EPDR1: variants seen among roughly 807,000 people sequenced by gnomAD.
EPDR1 encodes mammalian ependymin-related protein 1.
A neutral mutation model predicts 23.7 loss-of-function variants in EPDR1; 27 were observed. The ratio of observed to expected loss-of-function variants is 1.14; its 90% CI spans 0.84 to 1.57. The LOEUF (loss-of-function observed/expected upper bound fraction) is 1.57, where lower values mean the gene tolerates loss of function less well. Among genes scored for constraint, EPDR1 ranks in the 40% most tolerant of loss-of-function variants. The pLI, the probability that EPDR1 is intolerant of heterozygous loss-of-function variation, is 0.00. For synonymous variants in EPDR1, 137 were observed against 118.2 expected (o/e 1.16, Z -1.03); for missense variants, 349 against 290.4 (o/e 1.20, Z -1.47).
At chr7:37,944,420 T>C (rs1031696616) in intron 1 of EPDR1, among the ~76,000 whole-genome samples, 2 of 152,160 alleles carry the variant, frequency 1.3e-5, no homozygotes, top group Admixed American at 6.5e-5. Context: ...AAGGTAAATA[T>C]GAGGCTAGAA....
intron 1 of EPDR1, among the ~76,000 whole-genome samples, chr7:37,939,426 CT>C (rs1228173269): frequency 6.6e-6 from 1 of 152,174 alleles, no homozygotes; most frequent in Non-Finnish European, 1.5e-5. Context: ...GTCACATAGA[CT>C]TTTTGTAAAA....
chr7:37,940,437 G>A (rs755525176), intron 1 of EPDR1, among the ~76,000 whole-genome samples: 7 of 151,964 alleles, frequency 4.6e-5, no homozygotes, highest in South Asian at 2.1e-4. Context: ...CCTGAATTGG[G>A]AACAAACTAA....
Position 37,921,011 on chromosome 7 carries a change from C to T in EPDR1, c.72C>T (p.Ala24=), listed in dbSNP as rs566852005. 162 of 1,528,518 alleles carry T rather than the reference C, an allele frequency of 1.1e-4. 2 individuals are homozygous for T. The South Asian group carries it at 1.9e-3, about 18-fold the overall frequency. The allele number at this position is 1,528,518 out of a possible 1,614,324, so 94.7% of individuals were successfully genotyped here. A position where few individuals can be genotyped will look rare whatever the true frequency, so the allele number is the denominator to read the frequency against. The change falls in exon 1 of 3, where the codon GCC becomes GCT. Residue 24 remains alanine (A), a synonymous_variant. Coordinates refer to ENST00000199448, the MANE Select transcript of EPDR1 (RefSeq NM_017549.5). ...CCTGGCTGCTGGGCGGCCTCTGGGC[C>T]TGGACCCTGTGCGGCCTGTGCAGCC... The part of the protein sequence containing the change: ...LGAWLLGGLW[A]WTLCGLCSLG...
intron 2 of EPDR1, among the ~76,000 whole-genome samples, chr7:37,949,322 C>T (rs1304844631): frequency 6.6e-6 from 1 of 152,110 alleles, no homozygotes; most frequent in Non-Finnish European, 1.5e-5. Flanking sequence ...ATGGTCGTCC[C>T]GAGGTCTGTG....
At chr7:37,926,280 C>T (rs1785807321) in intron 1 of EPDR1, among the ~76,000 whole-genome samples, 1 of 152,180 alleles carries the variant, frequency 6.6e-6, no homozygotes, top group African/African-American at 2.4e-5. Context: ...CTCGCCTGAA[C>T]TGTTTGATAG....
chr7:37,920,928 A>C lies in EPDR1; in HGVS notation c.-12A>C. The C allele has an allele frequency of 1.2e-6, 2 of 1,609,532 alleles. No homozygotes were observed. Among genetic ancestry groups the C allele is most frequent in the Non-Finnish European group, 1.7e-6 (2 of 1,178,676 alleles). On this transcript the variant is annotated 5_prime_UTR_variant, in exon 1 of 3. Transcript: ENST00000199448. Reference sequence around the variant, plus strand: ...CTTGGGCTTGCCCTCGGGCCGGGGAAGGCTGACCGCGATGCCAGGACGCGC... The same window carrying C: ...CTTGGGCTTGCCCTCGGGCCGGGGACGGCTGACCGCGATGCCAGGACGCGC...
At chr7:37,944,307 C>G (rs905749957) in intron 1 of EPDR1, among the ~76,000 whole-genome samples, 2 of 152,142 alleles carry the variant, frequency 1.3e-5, no homozygotes, top group African/African-American at 4.8e-5. Flanking sequence ...TGTGGTATGT[C>G]CAGCCACATA....
intron 1 of EPDR1, among the ~76,000 whole-genome samples, chr7:37,948,413 G>A (rs886876110): frequency 1.3e-5 from 2 of 150,532 alleles, no homozygotes; most frequent in African/African-American, 4.9e-5. Flanking sequence ...GCATGATCAT[G>A]GCTCACTGAA....
At chr7:37,930,317 C>T (rs1259022704) in intron 1 of EPDR1, among the ~76,000 whole-genome samples, 1 of 152,124 alleles carries the variant, frequency 6.6e-6, no homozygotes, top group Admixed American at 6.6e-5. Context: ...GATGGGAAGC[C>T]GGTGGTGCAG....
chr7:37,924,249 C>T (rs1056185448), intron 1 of EPDR1, among the ~76,000 whole-genome samples: 9 of 152,200 alleles, frequency 5.9e-5, no homozygotes, highest in Non-Finnish European at 1.2e-4. Flanking sequence ...TAATGATTGC[C>T]TGCCCTAGGT....
chr7:37,945,363 G>A (rs939241853), intron 1 of EPDR1, among the ~76,000 whole-genome samples: 2 of 152,052 alleles, frequency 1.3e-5, no homozygotes, highest in Non-Finnish European at 2.9e-5. Context: ...ATGTGTCTGG[G>A]TTATTTTTAC....
At chr7:37,936,356 T>C (rs1291112600) in intron 1 of EPDR1, among the ~76,000 whole-genome samples, 1 of 152,056 alleles carries the variant, frequency 6.6e-6, no homozygotes, top group Non-Finnish European at 1.5e-5. Context: ...TAGCACAACC[T>C]GTGTAGTTCT....
In EPDR1 at chr7:37,920,672, G is replaced by A. The variant is rs754281417; in HGVS notation, c.-268G>A. ...ACCGAAGCGGCAGAAGGCAGTGGCA[G>A]CAGGCAGTGGCAGCAGGCAGTGGCC... On this transcript the variant is annotated 5_prime_UTR_variant, in exon 1 of 3. Transcript: ENST00000199448. The A allele has an allele frequency of 2.7e-6, 2 of 745,126 alleles. No individual in the cohort carries two copies. Among genetic ancestry groups the A allele is most frequent in the Non-Finnish European group, 4.1e-6 (2 of 484,622 alleles). The allele number at this position is 745,126 out of a possible 1,614,324, so 46.2% of individuals were successfully genotyped here.
At chr7:37,928,518 A>T (rs913587295) in intron 1 of EPDR1, among the ~76,000 whole-genome samples, 3 of 152,170 alleles carry the variant, frequency 2.0e-5, no homozygotes, top group Admixed American at 6.6e-5. Flanking sequence ...ACACCCTCCA[A>T]TCACTTTTGT....
intron 1 of EPDR1, among the ~76,000 whole-genome samples, chr7:37,938,114 C>T (rs1384741004): frequency 6.6e-6 from 1 of 151,246 alleles, no homozygotes; most frequent in East Asian, 1.9e-4. Context: ...CCTCAGCCTC[C>T]CAAGTAGCTG....
intron 1 of EPDR1, among the ~76,000 whole-genome samples, chr7:37,931,768 G>A (rs1020513062): frequency 7.2e-5 from 11 of 151,960 alleles, no homozygotes; most frequent in Non-Finnish European, 1.0e-4. Context: ...GCACAATCTC[G>A]GCTCACTGCA....
intron 1 of EPDR1, among the ~76,000 whole-genome samples, chr7:37,931,712 T>C (rs1000861164): frequency 6.6e-6 from 1 of 152,020 alleles, no homozygotes; most frequent in Non-Finnish European, 1.5e-5. Context: ...TTGTTTTTGT[T>C]TTTTGAGACA....
chr7:37,948,980 A>G lies in EPDR1; in HGVS notation c.410A>G (p.Tyr137Cys). 6.2e-7 allele frequency: 1 copy of G among 1,614,026 alleles called. No homozygotes were observed. Among genetic ancestry groups the G allele is most frequent in the Non-Finnish European group, 8.5e-7 (1 of 1,179,992 alleles). Reference protein sequence around the residue: ...IPQNSTFEDQYSIGGPQEQIT... With the variant: ...IPQNSTFEDQCSIGGPQEQIT... The stretch of plus-strand genomic sequence containing the variant: ...CAAAACTCCACCTTTGAAGACCAGT[A>G]CTCCATCGGGGGGCCTCAGGAGCAG... Residue 137 changes from tyrosine to cysteine, a missense_variant, in exon 2 of 3, where the codon TAC becomes TGC. By Grantham distance (194) the Tyr-to-Cys change is radical (BLOSUM62 -2). Transcript: ENST00000199448.
chr7:37,934,069 C>T (rs907484984), intron 1 of EPDR1, among the ~76,000 whole-genome samples: 25 of 151,934 alleles, frequency 1.6e-4, no homozygotes, highest in African/African-American at 4.8e-4. Context: ...CTCCACTTCC[C>T]GGGTTCACGC....
Sources: gnomAD v4.1 joint callset for allele counts (sites outside exome capture counted in the v4.1 genomes callset) on GRCh38, gnomAD v4.1.1 for gene constraint, MANE v1.5 for transcripts, NCBI Gene and HGNC (gene_info 2026-07-23, HGNC 2026-07-21) for gene names.